Variants in PANX2 observed in about 807,000 individuals in gnomAD.
PANX2 encodes pannexin-2.
PANX2 carries 30 observed loss-of-function variants against 38.7 expected under a neutral mutation model. The ratio of observed to expected loss-of-function variants is 0.78; its 90% CI spans 0.58 to 1.05. The LOEUF (loss-of-function observed/expected upper bound fraction) is 1.05, where lower values mean the gene tolerates loss of function less well. Ranked by LOEUF, PANX2 falls within the 50% of genes least tolerant of loss-of-function variation. The pLI, the probability that PANX2 is intolerant of heterozygous loss-of-function variation, is 0.00. For synonymous variants in PANX2, 539 were observed against 472.1 expected (o/e 1.14, Z -1.84); for missense variants, 880 against 979.3 (o/e 0.90, Z 1.35).
intron 2 of PANX2, 21 bp downstream of exon 2, chr22:50,178,423 A>T: frequency 2.4e-6 from 3 of 1,226,396 alleles, no homozygotes; most frequent in African/African-American, 1.6e-5. Context: ...GGCCGGAGAG[A>T]GGGGACGGGG....
chr22:50,178,184 C>G lies in PANX2; in HGVS notation c.1472C>G (p.Pro491Arg). 6.7e-7 allele frequency: 1 copy of G among 1,483,074 alleles called. No homozygotes were observed. Among genetic ancestry groups the G allele is most frequent in the African/African-American group, 1.5e-5 (1 of 68,854 alleles). 91.9% of individuals were successfully genotyped at this position (1,483,074 alleles called of 1,614,324 possible). Residue 491 changes from proline (P) to arginine (R), a missense_variant, in exon 2 of 3, where the codon CCG becomes CGG. Physicochemically the swap from Pro to Arg is moderately radical, Grantham distance 103. Coordinates refer to ENST00000395842, the MANE Select transcript of PANX2 (RefSeq NM_052839.4). ...AHHYKGGGGD[P>R]GPGPAPAPAP... ...CACTACAAGGGCGGAGGGGGCGACC[C>G]GGGCCCCGGCCCCGCCCCTGCCCCC...
At chr22:50,174,873 CG>C (rs1046166674) in intron 1 of PANX2, among the ~76,000 whole-genome samples, 1 of 152,204 alleles carries the variant, frequency 6.6e-6, no homozygotes, top group Non-Finnish European at 1.5e-5. Flanking sequence ...CAGCATCCAC[CG>C]GGAAAGGCCC....
At chr22:50,176,430 G>C (rs988878810) in intron 1 of PANX2, among the ~76,000 whole-genome samples, 6 of 152,196 alleles carry the variant, frequency 3.9e-5, no homozygotes, top group African/African-American at 1.4e-4. Context: ...AGGGTGGGCA[G>C]AGCCCACCCT....
rs969999053 is a variant in PANX2, at chr22:50,178,176, G to A, written c.1464G>A (p.Gly488=). The change falls in exon 2 of 3, where the codon GGG becomes GGA. Residue 488 remains glycine (G), a synonymous_variant. Transcript: ENST00000395842. The part of the protein sequence containing the change: ...DRSAHHYKGG[G]GDPGPGPAPA... ...CCGCCCACCACTACAAGGGCGGAGG[G>A]GGCGACCCGGGCCCCGGCCCCGCCC... The A allele has an allele frequency of 2.0e-6, 3 of 1,491,508 alleles. No individual in the cohort carries two copies. The highest frequency in any genetic ancestry group is 2.4e-4 in the Middle Eastern group (1 of 4,188). The allele number at this position is 1,491,508 out of a possible 1,614,324, so 92.4% of individuals were successfully genotyped here.
In PANX2 at chr22:50,178,263, G is replaced by T. The variant is rs976462906; in HGVS notation, c.1551G>T (p.Val517=). 7.9e-6 allele frequency: 12 copies of T among 1,527,320 alleles called. No homozygotes were observed. The highest frequency in any genetic ancestry group is 1.0e-5 in the Non-Finnish European group (12 of 1,143,466). 94.6% of individuals were successfully genotyped at this position (1,527,320 alleles called of 1,614,324 possible). Residue 517 remains valine, a synonymous_variant, in exon 2 of 3, where the codon GTG becomes GTT. Coordinates refer to ENST00000395842, the MANE Select transcript of PANX2 (RefSeq NM_052839.4). ...KKHARHFSLD[V]HPYILGTKKA... is the part of the protein sequence containing the mutation. ...ACGCGCGCCACTTCTCCCTGGACGT[G>T]CACCCCTACATCCTCGGCACCAAGA...
rs754515519 is a variant in PANX2 at position 50,179,984 on chromosome 22, A to C, written c.*707A>C. On this transcript the variant is annotated 3_prime_UTR_variant, in exon 3 of 3. Coordinates refer to ENST00000395842, the MANE Select transcript of PANX2 (RefSeq NM_052839.4). ...GTGAGCGAGCGGGTGTGTATGTACG[A>C]GTGTGCACGTGTGTGCGTGTGCACA... 7.2e-5 allele frequency: 11 copies of C among 153,016 alleles called. No homozygotes were observed. The highest frequency in any genetic ancestry group is 1.0e-4 in the Non-Finnish European group (7 of 68,540). The allele number at this position is 153,016 out of a possible 1,614,324, so 9.5% of individuals were successfully genotyped here. A position where few individuals can be genotyped will look rare whatever the true frequency, so the allele number is the denominator to read the frequency against.
At position 50,175,371 on chromosome 22, in the gene PANX2, G is replaced by C. The variant is rs573352311; in HGVS notation, c.227-1568G>C. ...TGGCCACACATGCCCAGCAAGGGTG[G>C]CTGCCAGGGATGGGCCCAGCTCAGG... is the stretch of plus-strand genomic sequence containing the variant. On this transcript the variant is annotated intron_variant, in intron 1 of 2. Transcript: ENST00000395842. The C allele has an allele frequency of 5.1e-5, 45 of 888,458 alleles. No homozygotes were observed. The African/African-American group carries it at 7.7e-4, about 15-fold the overall frequency. The allele number at this position is 888,458 out of a possible 1,614,324, so 55.0% of individuals were successfully genotyped here.
Position 50,179,149 on chromosome 22 carries a change from G to A in PANX2, c.1906G>A (p.Glu636Lys), listed in dbSNP as rs1431261452. 3 of 1,612,284 alleles carry A rather than the reference G, an allele frequency of 1.9e-6. No individual in the cohort carries two copies. The highest frequency in any genetic ancestry group is 3.3e-5 in the Admixed American group (2 of 59,968). ...CATCAACACGCTGTACGAGGCCCGG[G>A]AGGAGGAGGACGGGGGCCCCCGCCT... Reference protein sequence around the residue: ...LHINTLYEAREEEDGGPRLPQ... With the variant: ...LHINTLYEARKEEDGGPRLPQ... The change falls in exon 3 of 3, where the codon GAG becomes AAG. Residue 636 changes from glutamate to lysine, a missense_variant. This residue lies in a region of PANX2 where 445 missense variants were observed against 404.3 expected (regional missense o/e 1.10). Transcript: ENST00000395842.
At chr22:50,171,433 C>T (rs1381374152) in intron 1 of PANX2, among the ~76,000 whole-genome samples, 1 of 152,156 alleles carries the variant, frequency 6.6e-6, no homozygotes, top group African/African-American at 2.4e-5. Flanking sequence ...CTCTGAGAGG[C>T]CCAGGCCCTC....
In PANX2 at chr22:50,178,417, G is replaced by A; in HGVS notation, c.1690+15G>A. On this transcript the variant is annotated intron_variant, in intron 2 of 2. Transcript: ENST00000395842. ...GCCCATCAAAGGTAGGGGCAGGGCC[G>A]GAGAGAGGGGACGGGGGACTGGGGG... 7.2e-7 allele frequency: 1 copy of A among 1,382,538 alleles called. No homozygotes were observed. Among genetic ancestry groups the A allele is most frequent in the South Asian group, 1.6e-5 (1 of 61,858 alleles). 85.6% of individuals were successfully genotyped at this position (1,382,538 alleles called of 1,614,324 possible).
intron 1 of PANX2, chr22:50,175,303 T>C (rs1326475280): frequency 3.5e-5 from 11 of 310,284 alleles, no homozygotes; most frequent in Non-Finnish European, 1.9e-5. Flanking sequence ...GCGGCCCTAC[T>C]GGAGTCTGGG....
Position 50,180,093 on chromosome 22 carries a change from T to C in PANX2, c.*816T>C, listed in dbSNP as rs1039802732. ...TGAGTGCACGCCAGCGCGTGGCCCA[T>C]GTATGAGGAGTGAAGGGGCCCAACG... On this transcript the variant is annotated 3_prime_UTR_variant, in exon 3 of 3. Transcript: ENST00000395842. 3.3e-5 allele frequency: 5 copies of C among 152,318 alleles called. No individual in the cohort carries two copies. The highest frequency in any genetic ancestry group is 3.4e-3 in the Middle Eastern group (1 of 294). 9.4% of individuals were successfully genotyped at this position (152,318 alleles called of 1,614,324 possible).
Position 50,177,033 on chromosome 22 carries a change from G to A in PANX2, c.321G>A (p.Leu107=), listed in dbSNP as rs765889070. The A allele has an allele frequency of 6.2e-7, 1 of 1,606,550 alleles. No individual in the cohort carries two copies. Among genetic ancestry groups the A allele is most frequent in the Non-Finnish European group, 8.5e-7 (1 of 1,178,068 alleles). ...GYCWTELRDA[L]PGVDASLWPS... is the part of the protein sequence containing the mutation. ...GCTGGACGGAGCTGCGGGACGCGCT[G>A]CCCGGCGTGGACGCCAGCCTGTGGC... Residue 107 remains leucine, a synonymous_variant, in exon 2 of 3, where the codon CTG becomes CTA. Coordinates refer to ENST00000395842, the MANE Select transcript of PANX2 (RefSeq NM_052839.4).
chr22:50,174,416 C>T (rs1387437437), intron 1 of PANX2, among the ~76,000 whole-genome samples: 1 of 152,156 alleles, frequency 6.6e-6, no homozygotes, highest in Non-Finnish European at 1.5e-5. Flanking sequence ...GAATATGGGC[C>T]GTGTTGGGGT....
At position 50,170,754 on chromosome 22, in the gene PANX2, G is replaced by A. The variant is rs779432413; in HGVS notation, c.24G>A (p.Ser8=). The A allele has an allele frequency of 9.1e-6, 12 of 1,321,304 alleles. No homozygotes were observed. In the South Asian group the frequency reaches 2.0e-4, roughly 22 times the overall value. 81.8% of individuals were successfully genotyped at this position (1,321,304 alleles called of 1,614,324 possible). ...CCATGCACCACCTCCTGGAGCAGTC[G>A]GCGGACATGGCGACCGCGCTGCTGG... MHHLLEQ[S]ADMATALLAG... The change falls in exon 1 of 3, where the codon TCG becomes TCA. Residue 8 remains serine, a synonymous_variant. Coordinates refer to ENST00000395842, the MANE Select transcript of PANX2 (RefSeq NM_052839.4).
Position 50,178,082 on chromosome 22 carries a change from C to T in PANX2, c.1370C>T (p.Ala457Val), listed in dbSNP as rs1477066757. The T allele has an allele frequency of 1.3e-6, 2 of 1,552,632 alleles. No homozygotes were observed. The highest frequency in any genetic ancestry group is 1.7e-6 in the Non-Finnish European group (2 of 1,157,718). The change falls in exon 2 of 3, where the codon GCG becomes GTG. Residue 457 changes from alanine to valine, a missense_variant. Around this residue, in one of 4 missense-constraint regions of PANX2, gnomAD observed 445 missense variants for 404.3 expected, o/e 1.10. Coordinates refer to ENST00000395842, the MANE Select transcript of PANX2 (RefSeq NM_052839.4). ...LAIMRVENSK[A>V]EKPKPARRKT... ...ATCATGCGCGTGGAGAACAGCAAGG[C>T]GGAGAAGCCGAAGCCCGCGCGCAGG...
In PANX2 at chr22:50,179,538, C is replaced by T. The variant is rs1158610659; in HGVS notation, c.*261C>T. The T allele has an allele frequency of 1.9e-6, 1 of 519,268 alleles. No homozygotes were observed. Among genetic ancestry groups the T allele is most frequent in the Non-Finnish European group, 3.4e-6 (1 of 292,152 alleles). 32.2% of individuals were successfully genotyped at this position (519,268 alleles called of 1,614,324 possible). On this transcript the variant is annotated 3_prime_UTR_variant, in exon 3 of 3. Transcript: ENST00000395842. ...CGGTGGCCAGGAAGGCTGAAGCCCGCTTCCCATGCTCCTGCATCAGGTGCC... is the reference window on the plus strand; with the variant it reads ...CGGTGGCCAGGAAGGCTGAAGCCCGTTTCCCATGCTCCTGCATCAGGTGCC...
chr22:50,177,553 C>A lies in PANX2; in HGVS notation c.841C>A (p.Leu281Ile). 6.2e-7 allele frequency: 1 copy of A among 1,612,074 alleles called. No homozygotes were observed. The highest frequency in any genetic ancestry group is 1.1e-5 in the South Asian group (1 of 91,062). ...GCCCGCGGTGCGCGTGAGCTGCAAGCTCCCGTCCGTGCAACTGCAGCGCAT... is the reference window on the plus strand; with the variant it reads ...GCCCGCGGTGCGCGTGAGCTGCAAGATCCCGTCCGTGCAACTGCAGCGCAT... Reference protein sequence around the residue: ...AGPAVRVSCKLPSVQLQRIIA... With the variant: ...AGPAVRVSCKIPSVQLQRIIA... The change falls in exon 2 of 3, where the codon CTC becomes ATC. Residue 281 changes from leucine to isoleucine, a missense_variant. By Grantham distance (5) the Leu-to-Ile change is conservative. Transcript: ENST00000395842.
chr22:50,178,534 G>A, intron 2 of PANX2, 132 bp downstream of exon 2: 1 of 596,158 alleles, frequency 1.7e-6, no homozygotes, highest in Non-Finnish European at 2.7e-6. Context: ...CCCTCAAAGG[G>A]GGAAGGGAGG....
Sources: allele counts gnomAD v4.1 joint callset (sites outside exome capture counted in the v4.1 genomes callset), GRCh38; gene constraint gnomAD v4.1.1; regional missense constraint gnomAD v4.1.1; transcripts MANE v1.5; gene names NCBI Gene and HGNC (gene_info 2026-07-23, HGNC 2026-07-21).